Variants in PCDHA9 observed in about 807,000 individuals in gnomAD.
PCDHA9 encodes protocadherin alpha-9.
In PCDHA9, 62 loss-of-function variants were observed where a neutral mutation model predicts 62.0. That is an observed-to-expected ratio of 1.00 (90% CI 0.81 to 1.23). The LOEUF is 1.23. Ranked by LOEUF, PCDHA9 falls within the 50% of genes most tolerant of loss-of-function variation. PCDHA9 has a pLI of 0.00. For synonymous variants in PCDHA9, 557 were observed against 567.6 expected (o/e 0.98, Z 0.27); for missense variants, 1,205 against 1,249.8 (o/e 0.96, Z 0.54).
intron 1 of PCDHA9, among the ~76,000 whole-genome samples, chr5:140,912,634 G>A (rs1435924500): frequency 6.6e-6 from 1 of 152,016 alleles, no homozygotes; most frequent in African/African-American, 2.4e-5. Context: ...GAGACTTTCA[G>A]TACTATGTTG....
intron 1 of PCDHA9, among the ~76,000 whole-genome samples, chr5:140,918,603 A>G (rs2078773753): frequency 6.6e-6 from 1 of 152,252 alleles, no homozygotes; most frequent in African/African-American, 2.4e-5. Context: ...AGATGTTGCT[A>G]TGATATGAAT....
At chr5:140,862,906 C>A in intron 1 of PCDHA9, 1 of 554,064 alleles carries the variant, frequency 1.8e-6, no homozygotes, top group Non-Finnish European at 3.5e-6. Flanking sequence ...GTCTGCGCTG[C>A]TGGCGCCTTG....
At chr5:140,949,584 A>T (rs1313706016) in intron 1 of PCDHA9, among the ~76,000 whole-genome samples, 5 of 151,722 alleles carry the variant, frequency 3.3e-5, no homozygotes, top group Admixed American at 6.6e-5. Context: ...CTTTTGTGTG[A>T]TATTAATGTG....
intron 1 of PCDHA9, among the ~76,000 whole-genome samples, chr5:140,935,795 C>T (rs1366379710): frequency 2.0e-5 from 3 of 151,764 alleles, no homozygotes; most frequent in Admixed American, 6.6e-5. Flanking sequence ...AAAATATAAA[C>T]GAGATTATTT....
intron 1 of PCDHA9, among the ~76,000 whole-genome samples, chr5:140,886,331 G>A (rs910332577): frequency 6.6e-6 from 1 of 151,936 alleles, no homozygotes; most frequent in Admixed American, 6.6e-5. Flanking sequence ...TGGGATACAT[G>A]TGCAGAACGT....
intron 1 of PCDHA9, among the ~76,000 whole-genome samples, chr5:140,909,996 T>C (rs549464312): frequency 1.3e-5 from 2 of 152,192 alleles, no homozygotes; most frequent in African/African-American, 4.8e-5. Context: ...ACAGCATAAA[T>C]TGTTGTCAGT....
intron 1 of PCDHA9, among the ~76,000 whole-genome samples, chr5:140,921,577 A>G (rs1248608945): frequency 6.6e-6 from 1 of 152,242 alleles, no homozygotes; most frequent in African/African-American, 2.4e-5. Context: ...AGTAGAGCTC[A>G]TACTATATTA....
chr5:140,850,366 T>A lies in PCDHA9; in HGVS notation c.1871T>A (p.Val624Glu), dbSNP rs1226004214. 2 of 1,597,368 alleles carry A rather than the reference T, an allele frequency of 1.3e-6. No homozygotes were observed. The highest frequency in any genetic ancestry group is 1.7e-6 in the Non-Finnish European group (2 of 1,167,540). ...GCCAGCGCGAGCATCCCGTTCCGCG[T>A]GGGGCTGTACACGGGCGAGATCAGC... ...ETASASIPFR[V>E]GLYTGEISTT... Residue 624 changes from valine to glutamate, a missense_variant, in exon 1 of 4, where the codon GTG (valine) becomes GAG (glutamate). This residue lies in a region of PCDHA9 where 887 missense variants were observed against 809.5 expected (regional missense o/e 1.10). Coordinates refer to ENST00000532602, the MANE Select transcript of PCDHA9 (RefSeq NM_031857.2).
At chr5:140,855,255 A>G (rs2043396159) in intron 1 of PCDHA9, among the ~76,000 whole-genome samples, 1 of 149,836 alleles carries the variant, frequency 6.7e-6, no homozygotes, top group Non-Finnish European at 1.5e-5. Context: ...AGCACTTACT[A>G]TATTATAATT....
chr5:140,988,411 A>T (rs2097296392), intron 3 of PCDHA9, among the ~76,000 whole-genome samples: 1 of 152,144 alleles, frequency 6.6e-6, no homozygotes, highest in Non-Finnish European at 1.5e-5. Flanking sequence ...TTCGCAGCTT[A>T]TGTAAAGAAT....
intron 3 of PCDHA9, among the ~76,000 whole-genome samples, chr5:140,987,261 T>C (rs1245588314): frequency 6.6e-6 from 1 of 151,964 alleles, no homozygotes; most frequent in African/African-American, 2.4e-5. Context: ...TTCTCAGGAA[T>C]GGGACCCGGC....
chr5:140,927,150 G>GT, intron 1 of PCDHA9: 1 of 1,614,134 alleles, frequency 6.2e-7, no homozygotes, highest in Non-Finnish European at 8.5e-7. Context: ...GCGAACAGCT[G>GT]TGCAGGGCCA....
At chr5:140,875,648 T>C in intron 1 of PCDHA9, 1 of 1,613,728 alleles carries the variant, frequency 6.2e-7, no homozygotes, top group Non-Finnish European at 8.5e-7. Flanking sequence ...CTGGCGGAGC[T>C]GGTGCCGCGC....
chr5:140,909,935 A>G (rs2074774035), intron 1 of PCDHA9, among the ~76,000 whole-genome samples: 1 of 152,154 alleles, frequency 6.6e-6, no homozygotes, highest in Admixed American at 6.5e-5. Flanking sequence ...AATCACAGTT[A>G]CTCTGGTAAA....
intron 1 of PCDHA9, among the ~76,000 whole-genome samples, chr5:140,897,497 G>C (rs1554187423): frequency 6.6e-6 from 1 of 152,010 alleles, no homozygotes; most frequent in Admixed American, 6.6e-5. Flanking sequence ...TTTCAACCAT[G>C]TCCCTACAAA....
intron 1 of PCDHA9, among the ~76,000 whole-genome samples, chr5:140,924,539 C>T (rs1554201995): frequency 6.6e-6 from 1 of 152,050 alleles, no homozygotes; most frequent in African/African-American, 2.4e-5. Flanking sequence ...CCGAGCTACC[C>T]CTCTCCCCAC....
chr5:140,967,049 A>G (rs782123539), intron 1 of PCDHA9: 12 of 1,612,528 alleles, frequency 7.4e-6, no homozygotes, highest in Non-Finnish European at 9.3e-6. Flanking sequence ...GCTGGACCTG[A>G]CGAGTGGAGC....
chr5:140,883,453 C>A lies in PCDHA9; in HGVS notation c.2394+32564C>A, dbSNP rs138388360. The stretch of plus-strand genomic sequence containing the variant: ...GCACCTTGACGCCGCATGTCCCCTT[C>A]AAGCTGGTGTCCACCTACAAGAACT... On this transcript the variant is annotated intron_variant, in intron 1 of 3. Transcript: ENST00000532602. 3.2e-5 allele frequency: 51 copies of A among 1,614,168 alleles called. No individual in the cohort carries two copies. In the East Asian group the frequency reaches 1.1e-3, roughly 35 times the overall value.
At chr5:140,966,490 T>G (rs533525977) in intron 1 of PCDHA9, 2 of 437,964 alleles carry the variant, frequency 4.6e-6, no homozygotes, top group Non-Finnish European at 7.9e-6. Flanking sequence ...TCCCTCCCCC[T>G]GGAGCTGTAG....
Sources: allele counts gnomAD v4.1 joint callset (sites outside exome capture counted in the v4.1 genomes callset), GRCh38; gene constraint gnomAD v4.1.1; regional missense constraint gnomAD v4.1.1; transcripts MANE v1.5; gene names NCBI Gene and HGNC (gene_info 2026-07-23, HGNC 2026-07-21).